Variants in OVOL1 observed in about 807,000 individuals in gnomAD.
The protein encoded by OVOL1 is putative transcription factor Ovo-like 1.
Under a neutral mutation model 21.5 loss-of-function variants are expected in OVOL1, and 10 were observed. The observed-to-expected ratio is 0.46, with a 90% CI of 0.29 to 0.79. OVOL1 has a LOEUF of 0.79. Ranked by LOEUF, OVOL1 falls within the 30% of genes least tolerant of loss-of-function variation. OVOL1 has a pLI of 0.10. For missense variants in OVOL1, 279 were observed against 362.3 expected (o/e 0.77, Z 1.87); for synonymous variants, 129 against 150.3 (o/e 0.86, Z 1.03).
At chr11:65,788,682 G>A (rs1217725339) in intron 1 of OVOL1, 1 of 985,322 alleles carries the variant, frequency 1.0e-6, no homozygotes, top group Non-Finnish European at 1.2e-6. Flanking sequence ...GGACCCAGTG[G>A]CCTGTGGCGC....
rs1565231299 is a variant in OVOL1 at position 65,794,542 on chromosome 11, C to T, written c.323C>T (p.Thr108Ile). ...HGFLRTKMKVTLGDSPSGDLF... is the reference protein window; with the variant it reads ...HGFLRTKMKVILGDSPSGDLF... ...CAATGCCGTCCTCACCCACAGGTGA[C>T]CCTTGGGGACAGTCCCAGTGGAGAC... The change falls in exon 3 of 4, where the codon ACC becomes ATC. Residue 108 changes from threonine (T) to isoleucine (I), a missense_variant. By Grantham distance (89) the Thr-to-Ile change is moderately conservative. Coordinates refer to ENST00000335987, the MANE Select transcript of OVOL1 (RefSeq NM_004561.4). 33 of 1,613,046 alleles carry T rather than the reference C, an allele frequency of 2.0e-5. No homozygotes were observed. Among genetic ancestry groups the T allele is most frequent in the Non-Finnish European group, 2.8e-5 (33 of 1,179,800 alleles).
At chr11:65,789,756 G>A (rs1476625975) in intron 1 of OVOL1, 1 of 956,198 alleles carries the variant, frequency 1.0e-6, no homozygotes, top group African/African-American at 1.8e-5. Context: ...ATGTGGGAGT[G>A]TTTGAGTTCT....
At chr11:65,789,079 T>A (rs375574418) in intron 1 of OVOL1, 1 of 985,280 alleles carries the variant, frequency 1.0e-6, no homozygotes, top group African/African-American at 1.7e-5. Context: ...TGAGCCAGGC[T>A]CAGTGTGCTG....
At chr11:65,792,483 T>A (rs1591000351) in intron 1 of OVOL1, 1 of 152,268 alleles carries the variant, frequency 6.6e-6, no homozygotes, top group East Asian at 1.9e-4. Flanking sequence ...CCATCGCCCC[T>A]GCCCACCCCC....
chr11:65,788,954 CCCCTCCCCGCTCCGCCCTCCG>C (rs1213328756), intron 1 of OVOL1: 2 of 986,266 alleles, frequency 2.0e-6, no homozygotes, highest in Admixed American at 1.2e-4. Flanking sequence ...GGGCCAGAGC[CCCCTCCCCGCTCCGCCCTCCG>C]CCCTCCACCC....
rs1435462211 is a variant in OVOL1 at position 65,794,186 on chromosome 11, G to A, written c.256G>A (p.Asp86Asn). The A allele has an allele frequency of 6.2e-7, 1 of 1,613,664 alleles. No individual in the cohort carries two copies. The highest frequency in any genetic ancestry group is 2.2e-5 in the East Asian group (1 of 44,882). The change falls in exon 2 of 4, where the codon GAC becomes AAC. Residue 86 changes from aspartate to asparagine, a missense_variant. Asp to Asn is a conservative substitution (Grantham distance 23). Coordinates refer to ENST00000335987, the MANE Select transcript of OVOL1 (RefSeq NM_004561.4). Reference protein sequence around the residue: ...PCVVAQLPSEDMGHLTDPQSR... With the variant: ...PCVVAQLPSENMGHLTDPQSR... ...TGTGGTGGCCCAGCTGCCCTCTGAA[G>A]ACATGGGCCACTTGACAGACCCCCA... is the stretch of plus-strand genomic sequence containing the variant.
At chr11:65,787,763 G>C (rs946179252) in intron 1 of OVOL1, among the ~76,000 whole-genome samples, 1 of 152,170 alleles carries the variant, frequency 6.6e-6, no homozygotes, top group Non-Finnish European at 1.5e-5. Context: ...CCTGAACCGC[G>C]GCACAGAGGA....
At chr11:65,793,624 C>T (rs1291180805) in intron 1 of OVOL1, 2 of 253,684 alleles carry the variant, frequency 7.9e-6, no homozygotes, top group African/African-American at 4.6e-5. Context: ...ACCAGGGACC[C>T]TTCTGATGAG....
At position 65,795,304 on chromosome 11, in the gene OVOL1, C is replaced by T. The variant is rs371523538; in HGVS notation, c.767C>T (p.Thr256Ile). The change falls in exon 4 of 4, where the codon ACT becomes ATT. Residue 256 changes from threonine to isoleucine, a missense_variant. Coordinates refer to ENST00000335987, the MANE Select transcript of OVOL1 (RefSeq NM_004561.4). The surrounding 1 kb of genome is among the most constrained non-coding windows in gnomAD (Gnocchi z 5.7). ...AAGGTGGCCGTGGCACTACAGAACA[C>T]TGTCACTTCCCTGCTGCAGGGCAGC... ...SKKVAVALQN[T>I]VTSLLQGSPH... is the part of the protein sequence containing the mutation. The T allele has an allele frequency of 3.6e-5, 58 of 1,611,004 alleles. No homozygotes were observed. Among genetic ancestry groups the T allele is most frequent in the Non-Finnish European group, 4.3e-5 (51 of 1,179,252 alleles).
In OVOL1 at chr11:65,796,042, G is replaced by A. The variant is rs1254235661; in HGVS notation, c.*701G>A. Reference sequence around the variant, plus strand: ...GTTTTATTTCCTTTTATTTTTTAAAGATGACAAATGTACAGATGTTAATAT... The same window carrying A: ...GTTTTATTTCCTTTTATTTTTTAAAAATGACAAATGTACAGATGTTAATAT... On this transcript the variant is annotated 3_prime_UTR_variant, in exon 4 of 4. Coordinates refer to ENST00000335987, the MANE Select transcript of OVOL1 (RefSeq NM_004561.4). 1 of 152,838 alleles carries A rather than the reference G, an allele frequency of 6.5e-6. No homozygotes were observed. The highest frequency in any genetic ancestry group is 1.5e-5 in the Non-Finnish European group (1 of 68,378). 9.5% of individuals were successfully genotyped at this position (152,838 alleles called of 1,614,324 possible).
At chr11:65,791,399 C>T (rs1379785617) in intron 1 of OVOL1, among the ~76,000 whole-genome samples, 3 of 152,256 alleles carry the variant, frequency 2.0e-5, no homozygotes, top group Non-Finnish European at 2.9e-5. Flanking sequence ...TGTTCTGGGG[C>T]AGCACCCATG....
Position 65,795,477 on chromosome 11 carries a change from T to C in OVOL1, c.*136T>C, listed in dbSNP as rs1380143189. ...CAGGACTGGAGCCCCCGTGCCTTGG[T>C]CTCCCCCCTGGGCACACGTGCTCAC... On this transcript the variant is annotated 3_prime_UTR_variant, in exon 4 of 4. Transcript: ENST00000335987. This position sits in a 1 kb window ranked among gnomAD's most constrained non-coding sequence, Gnocchi z 5.7. The C allele has an allele frequency of 5.0e-6, 4 of 797,750 alleles. No homozygotes were observed. Among genetic ancestry groups the C allele is most frequent in the Non-Finnish European group, 7.9e-6 (4 of 505,102 alleles). 49.4% of individuals were successfully genotyped at this position (797,750 alleles called of 1,614,324 possible).
At position 65,795,227 on chromosome 11, in the gene OVOL1, G is replaced by A. The variant is rs1423771296; in HGVS notation, c.690G>A (p.Leu230=). ...CTGAGAGCCAGGAGGGCCACGTCCT[G>A]CACCTGAAGGAGCACCACCCTGACA... ...CTSESQEGHV[L]HLKEHHPDSP... is the part of the protein sequence containing the mutation. Residue 230 remains leucine, a synonymous_variant, in exon 4 of 4, where the codon CTG becomes CTA. Transcript: ENST00000335987. This position sits in a 1 kb window ranked among gnomAD's most constrained non-coding sequence, Gnocchi z 5.7. 2.5e-6 allele frequency: 4 copies of A among 1,613,436 alleles called. No individual in the cohort carries two copies. In the African/African-American group the frequency reaches 5.3e-5, roughly 22 times the overall value.
In OVOL1 at chr11:65,788,990, C is replaced by G. The variant is rs940742117; in HGVS notation, c.100+1517C>G. The G allele has an allele frequency of 3.9e-5, 38 of 985,364 alleles. 1 individual carries two copies. The allele number at this position is 985,364 out of a possible 1,614,324, so 61.0% of individuals were successfully genotyped here. On this transcript the variant is annotated intron_variant, in intron 1 of 3. Coordinates refer to ENST00000335987, the MANE Select transcript of OVOL1 (RefSeq NM_004561.4). ...TCCGCCCTCCGCCCTCCACCCTCAC[C>G]TGTGTTTGACTTGCTGCTTAGCTGC...
chr11:65,793,383 C>T (rs567694746), intron 1 of OVOL1, among the ~76,000 whole-genome samples: 5 of 152,340 alleles, frequency 3.3e-5, no homozygotes, highest in African/African-American at 9.6e-5. Context: ...GGCAGGCTGC[C>T]GAGACTGTTA....
At chr11:65,793,798 A>T in intron 1 of OVOL1, 1 of 585,934 alleles carries the variant, frequency 1.7e-6, no homozygotes, top group South Asian at 2.0e-5. Context: ...TTCCGCTAAG[A>T]CACAAATTAC....
At chr11:65,787,599 C>T (rs1450159678) in intron 1 of OVOL1, 126 bp downstream of exon 1, 5 of 275,996 alleles carry the variant, frequency 1.8e-5, no homozygotes, top group Admixed American at 1.3e-4. Flanking sequence ...CTGAATGCGG[C>T]CGCGGCCTGG....
chr11:65,793,968 T>C lies in OVOL1; in HGVS notation c.101-63T>C, dbSNP rs1390733561. ...CAGCCGTCTCATGGCTAGGGAAGTT[T>C]CCAGAAACCCGCTGGACCCTCTCTT... On this transcript the variant is annotated intron_variant, in intron 1 of 3. Transcript: ENST00000335987. The C allele has an allele frequency of 2.1e-6, 3 of 1,410,458 alleles. No individual in the cohort carries two copies. In the African/African-American group the frequency reaches 4.3e-5, roughly 20 times the overall value. The allele number at this position is 1,410,458 out of a possible 1,614,324, so 87.4% of individuals were successfully genotyped here.
intron 1 of OVOL1, 72 bp downstream of exon 1, chr11:65,787,545 C>G: frequency 4.3e-6 from 4 of 923,406 alleles, no homozygotes; most frequent in Non-Finnish European, 5.6e-6. Flanking sequence ...CGGGCGGGCG[C>G]AGGTCCGCGG....
Sources: gnomAD v4.1 joint callset for allele counts (sites outside exome capture counted in the v4.1 genomes callset) on GRCh38, gnomAD v4.1.1 for gene constraint, Gnocchi (gnomAD v3.1) non-coding constraint, MANE v1.5 for transcripts, NCBI Gene and HGNC (gene_info 2026-07-23, HGNC 2026-07-21) for gene names.